The following ROBO2 variants were observed in gnomAD, a reference collection of about 807,000 sequenced individuals.
ROBO2 encodes roundabout guidance receptor 2.
A neutral mutation model predicts 160.8 loss-of-function variants in ROBO2; 53 were observed. That is an observed-to-expected ratio of 0.33 (90% CI 0.26 to 0.41). The LOEUF is 0.41. Ranked by LOEUF, ROBO2 falls within the 10% of genes least tolerant of loss-of-function variation. The pLI is 1.00. For synonymous variants in ROBO2, 664 were observed against 611.7 expected (o/e 1.09, Z -1.26); for missense variants, 1,577 against 1,722.4 (o/e 0.92, Z 1.49).
intron 2 of ROBO2, among the ~76,000 whole-genome samples, chr3:75,967,512 T>C (rs2107329437): frequency 6.6e-6 from 1 of 151,492 alleles, no homozygotes; most frequent in South Asian, 2.1e-4. Context: ...ACTACAATAA[T>C]TAAGATAACA....
chr3:76,896,802 TAATG>T (rs1324698553), intron 2 of ROBO2, among the ~76,000 whole-genome samples: 2 of 152,202 alleles, frequency 1.3e-5, no homozygotes, highest in African/African-American at 4.8e-5. Context: ...TTGATTTTGA[TAATG>T]AATACTTGAG....
At chr3:76,765,087 A>G (rs1253386899) in intron 2 of ROBO2, among the ~76,000 whole-genome samples, 7 of 151,456 alleles carry the variant, frequency 4.6e-5, no homozygotes, top group African/African-American at 1.5e-4. Context: ...GCAGTCTCTA[A>G]TGTCTATTGT....
chr3:76,262,906 A>G (rs1193218204), intron 2 of ROBO2, among the ~76,000 whole-genome samples: 3 of 152,132 alleles, frequency 2.0e-5, no homozygotes, highest in Admixed American at 6.6e-5. Context: ...AAAAATTTAA[A>G]AAGTTGGAAA....
intron 2 of ROBO2, among the ~76,000 whole-genome samples, chr3:76,489,674 A>G (rs1163954233): frequency 6.6e-6 from 1 of 152,124 alleles, no homozygotes; most frequent in Non-Finnish European, 1.5e-5. Context: ...TGTTACTTTG[A>G]GCAAAATAAT....
chr3:75,957,234 GCA>G (rs1042174829), intron 2 of ROBO2, among the ~76,000 whole-genome samples: 2 of 95,890 alleles, frequency 2.1e-5, no homozygotes, highest in African/African-American at 6.3e-5. Flanking sequence ...AAACACACAC[GCA>G]CACACACACA....
chr3:76,496,737 AT>A (rs1364800310), intron 2 of ROBO2, among the ~76,000 whole-genome samples: 1 of 152,132 alleles, frequency 6.6e-6, no homozygotes, highest in Non-Finnish European at 1.5e-5. Context: ...TAATTTCTCT[AT>A]TGCTTTTACA....
intron 2 of ROBO2, among the ~76,000 whole-genome samples, chr3:76,674,846 C>G (rs1044104094): frequency 6.6e-5 from 10 of 151,902 alleles, no homozygotes; most frequent in Non-Finnish European, 1.5e-5. Context: ...GAAAGTCTGG[C>G]TATTTCTTTT....
intron 2 of ROBO2, among the ~76,000 whole-genome samples, chr3:76,400,930 A>G (rs1168336966): frequency 6.6e-6 from 1 of 151,520 alleles, no homozygotes; most frequent in Non-Finnish European, 1.5e-5. Flanking sequence ...ATTATTTTTT[A>G]TTGTGGAGGA....
intron 2 of ROBO2, among the ~76,000 whole-genome samples, chr3:77,133,774 A>G (rs2076050891): frequency 1.3e-5 from 2 of 152,222 alleles, no homozygotes; most frequent in Non-Finnish European, 2.9e-5. Flanking sequence ...TACAAAATAT[A>G]GTAATTTTTA....
chr3:77,216,146 G>T (rs896438045), intron 2 of ROBO2, among the ~76,000 whole-genome samples: 2 of 152,122 alleles, frequency 1.3e-5, no homozygotes, highest in African/African-American at 4.8e-5. Flanking sequence ...GGTTTCTGCT[G>T]CCTTTTGTCT....
intron 2 of ROBO2, among the ~76,000 whole-genome samples, chr3:76,761,657 T>C (rs1160983229): frequency 6.6e-6 from 1 of 151,902 alleles, no homozygotes; most frequent in African/African-American, 2.4e-5. Flanking sequence ...TCTTAAGAGA[T>C]TTGCAGAAAG....
At chr3:77,180,416 C>CTCTATATA (rs1433740534) in intron 2 of ROBO2, among the ~76,000 whole-genome samples, 107 of 90,720 alleles carry the variant, frequency 1.2e-3, no homozygotes, top group Middle Eastern at 0.01. Flanking sequence ...CTCTCTCTCT[C>CTCTATATA]TATATATATA....
At chr3:77,377,258 T>C (rs925443624) in intron 2 of ROBO2, among the ~76,000 whole-genome samples, 2 of 152,204 alleles carry the variant, frequency 1.3e-5, no homozygotes, top group Non-Finnish European at 2.9e-5. Flanking sequence ...ATAAAAATTA[T>C]CTTGTTCCCC....
intron 2 of ROBO2, among the ~76,000 whole-genome samples, chr3:76,608,236 C>T (rs974383220): frequency 6.6e-6 from 1 of 152,194 alleles, no homozygotes; most frequent in Non-Finnish European, 1.5e-5. Context: ...CATCCTTTCT[C>T]ACCCTTCTTG....
intron 2 of ROBO2, among the ~76,000 whole-genome samples, chr3:77,223,005 C>G (rs185007216): frequency 6.6e-6 from 1 of 152,180 alleles, no homozygotes; most frequent in Non-Finnish European, 1.5e-5. Flanking sequence ...GTGACCTCTT[C>G]CCCTTCTATC....
intron 2 of ROBO2, among the ~76,000 whole-genome samples, chr3:76,195,422 T>C (rs995751432): frequency 1.3e-5 from 2 of 152,200 alleles, no homozygotes; most frequent in African/African-American, 2.4e-5. Context: ...GGATCAAATA[T>C]AAAGGATTGC....
chr3:76,945,155 T>A (rs2149133857), intron 2 of ROBO2, among the ~76,000 whole-genome samples: 1 of 152,254 alleles, frequency 6.6e-6, no homozygotes, highest in South Asian at 2.1e-4. Flanking sequence ...CCCAATGTGC[T>A]GGCTTTTAAC....
At chr3:77,090,661 C>T (rs932741866) in intron 1 of ROBO2, among the ~76,000 whole-genome samples, 14 of 152,018 alleles carry the variant, frequency 9.2e-5, no homozygotes, top group African/African-American at 3.4e-4. Context: ...GCCTAAACCA[C>T]TCTTTATAGC....
At chr3:76,534,425 A>G (rs1299765454) in intron 2 of ROBO2, among the ~76,000 whole-genome samples, 3 of 152,186 alleles carry the variant, frequency 2.0e-5, no homozygotes, top group Admixed American at 6.5e-5. Flanking sequence ...CATCATATGA[A>G]TAGGATTCCC....
Sources: allele counts gnomAD v4.1 joint callset (sites outside exome capture counted in the v4.1 genomes callset), GRCh38; gene constraint gnomAD v4.1.1; transcripts MANE v1.5; gene names NCBI Gene and HGNC (gene_info 2026-07-23, HGNC 2026-07-21).